The following PLOD1 variants were observed in gnomAD, a reference collection of about 807,000 sequenced individuals.
PLOD1 encodes the protein procollagen-lysine,2-oxoglutarate 5-dioxygenase 1.
PLOD1 carries 70 observed loss-of-function variants against 94.7 expected under a neutral mutation model. The observed-to-expected ratio is 0.74, with a 90% CI of 0.61 to 0.90. The LOEUF (loss-of-function observed/expected upper bound fraction) is 0.90, where lower values mean the gene tolerates loss of function less well. Among genes scored for constraint, PLOD1 ranks in the 40% least tolerant of loss-of-function variants. The pLI is 0.00. For synonymous variants in PLOD1, 417 were observed against 400.2 expected (o/e 1.04, Z -0.50); for missense variants, 905 against 972.7 (o/e 0.93, Z 0.93).
At chr1:11,937,677 C>T (rs111402598) in intron 1 of PLOD1, among the ~76,000 whole-genome samples, 2 of 152,260 alleles carry the variant, frequency 1.3e-5, no homozygotes, top group African/African-American at 2.4e-5. Flanking sequence ...CACCCTGATC[C>T]CCAGCAAGTG....
chr1:11,947,252 AAAAC>A (rs59526848), intron 1 of PLOD1, among the ~76,000 whole-genome samples: 58 of 150,514 alleles, frequency 3.9e-4, no homozygotes, highest in Admixed American at 7.3e-4. Context: ...AAAAAAAACA[AAAAC>A]AAACAAACAA....
intron 6 of PLOD1, 44 bp downstream of exon 6, chr1:11,954,937 T>C (rs753770094): frequency 1.4e-6 from 2 of 1,451,792 alleles, no homozygotes; most frequent in Admixed American, 3.3e-5. Flanking sequence ...AGAGGGGTGA[T>C]AGGAAGAATT....
chr1:11,957,934 G>A lies in PLOD1; in HGVS notation c.834G>A (p.Lys278=), dbSNP rs557353959. The change falls in exon 8 of 19, where the codon AAG becomes AAA. Residue 278 remains lysine, a synonymous_variant. Transcript: ENST00000196061. The surrounding 1 kb of genome is among the most constrained non-coding windows in gnomAD (Gnocchi z 4.1). ...GTGACGAAGGCTTGCGCAGCCTCAA[G>A]GGCATTGGGGTGAGGCTGCGCCCAG... ...TVCDEGLRSL[K]GIGDEALPTV... The A allele has an allele frequency of 6.2e-6, 10 of 1,609,978 alleles. No individual in the cohort carries two copies. The highest frequency in any genetic ancestry group is 3.3e-5 in the Admixed American group (2 of 60,012).
Position 11,972,264 on chromosome 1 carries a change from T to C in PLOD1, c.1903-608T>C, listed in dbSNP as rs1645871432. 6.6e-6 allele frequency: 1 copy of C among 152,062 alleles called. No individual in the cohort carries two copies. The highest frequency in any genetic ancestry group is 2.4e-5 in the African/African-American group (1 of 41,298). 9.4% of individuals were successfully genotyped at this position (152,062 alleles called of 1,614,324 possible). A position where few individuals can be genotyped will look rare whatever the true frequency, so the allele number is the denominator to read the frequency against. On this transcript the variant is annotated intron_variant, in intron 17 of 18. Coordinates refer to ENST00000196061, the MANE Select transcript of PLOD1 (RefSeq NM_000302.4). This position sits in a 1 kb window ranked among gnomAD's most constrained non-coding sequence, Gnocchi z 4.6. ...TCTCTCTTTCTCTTTCTCTGTCTCTTTTTCTTTCTTTTCTTTCGCACTTGT... is the reference window on the plus strand; with the variant it reads ...TCTCTCTTTCTCTTTCTCTGTCTCTCTTTCTTTCTTTTCTTTCGCACTTGT...
At chr1:11,965,807 C>T (rs1645813230) in intron 14 of PLOD1, among the ~76,000 whole-genome samples, 1 of 152,168 alleles carries the variant, frequency 6.6e-6, no homozygotes, top group Non-Finnish European at 1.5e-5. Flanking sequence ...GGGACCAGGA[C>T]TCAAGAGGCC....
intron 1 of PLOD1, 47 bp from the exon 2 acceptor site, chr1:11,947,929 C>T (rs890787649): frequency 1.6e-6 from 2 of 1,232,676 alleles, no homozygotes; most frequent in Non-Finnish European, 2.4e-6. Context: ...TCCCTGTCAC[C>T]TCCCTCATCC....
Position 11,963,603 on chromosome 1 carries a change from C to T in PLOD1, c.1169C>T (p.Pro390Leu). Residue 390 changes from proline to leucine, a missense_variant, in exon 11 of 19, where the codon CCC becomes CTC. Physicochemically the swap from Pro to Leu is moderately conservative, Grantham distance 98. Transcript: ENST00000196061. The surrounding 1 kb of genome is among the most constrained non-coding windows in gnomAD (Gnocchi z 4.3). ...GATGCTGACGTGGCCCTGACCGAGC[C>T]CAACAGCCTGCGGCTGCTGATCCAA... Reference protein sequence around the residue: ...SVDADVALTEPNSLRLLIQQN... With the variant: ...SVDADVALTELNSLRLLIQQN... 6.2e-7 allele frequency: 1 copy of T among 1,601,928 alleles called. No homozygotes were observed. The highest frequency in any genetic ancestry group is 8.5e-7 in the Non-Finnish European group (1 of 1,175,048).
rs750583085 is a variant in PLOD1, at chr1:11,972,910, T to A, written c.1941T>A (p.Pro647=). The change falls in exon 18 of 19, where the codon CCT becomes CCA. Residue 647 remains proline, a synonymous_variant. Transcript: ENST00000196061. This position sits in a 1 kb window ranked among gnomAD's most constrained non-coding sequence, Gnocchi z 4.6. ...TGGCCTTTGTCGTCCGCTACAAGCC[T>A]GATGAGCAGCCCTCACTGATGCCAC... The part of the protein sequence containing the change: ...FDLAFVVRYK[P]DEQPSLMPHH... 6.2e-7 allele frequency: 1 copy of A among 1,614,062 alleles called. No individual in the cohort carries two copies. Among genetic ancestry groups the A allele is most frequent in the South Asian group, 1.1e-5 (1 of 91,080 alleles).
chr1:11,936,193 CCAGA>C (rs1309490292), intron 1 of PLOD1, among the ~76,000 whole-genome samples: 1 of 151,898 alleles, frequency 6.6e-6, no homozygotes, highest in Non-Finnish European at 1.5e-5. Context: ...CCAGGGTGGT[CCAGA>C]CAGAGGTGGT....
chr1:11,957,985 C>A lies in PLOD1; in HGVS notation c.843+42C>A. ...GCCTGTGCCTGAGGGACACGGGGGG[C>A]TCAGTCCCCTGAGATGGCGAGATGG... On this transcript the variant is annotated intron_variant, in intron 8 of 18. Coordinates refer to ENST00000196061, the MANE Select transcript of PLOD1 (RefSeq NM_000302.4). The surrounding 1 kb of genome is among the most constrained non-coding windows in gnomAD (Gnocchi z 4.1). The A allele has an allele frequency of 1.6e-6, 2 of 1,272,316 alleles. No individual in the cohort carries two copies. The highest frequency in any genetic ancestry group is 2.3e-6 in the Non-Finnish European group (2 of 867,970). The allele number at this position is 1,272,316 out of a possible 1,614,324, so 78.8% of individuals were successfully genotyped here. A position where few individuals can be genotyped will look rare whatever the true frequency, so the allele number is the denominator to read the frequency against.
intron 16 of PLOD1, among the ~76,000 whole-genome samples, chr1:11,969,159 T>G (rs1557499391): frequency 1.3e-5 from 2 of 151,578 alleles, no homozygotes; most frequent in Non-Finnish European, 2.9e-5. Context: ...GGCTAATTTT[T>G]GTATTTTTAG....
At chr1:11,949,083 G>A (rs532701341) in intron 2 of PLOD1, among the ~76,000 whole-genome samples, 7 of 152,316 alleles carry the variant, frequency 4.6e-5, no homozygotes, top group South Asian at 4.1e-4. Context: ...TCTAGGCCCT[G>A]TTTGTTTTAA....
Position 11,972,951 on chromosome 1 carries a change from C to T in PLOD1, c.1982C>T (p.Thr661Ile), listed in dbSNP as rs1216050978. 7.4e-6 allele frequency: 12 copies of T among 1,614,140 alleles called. No individual in the cohort carries two copies. Among genetic ancestry groups the T allele is most frequent in the Non-Finnish European group, 9.3e-6 (11 of 1,180,010 alleles). ...CTGATGCCACACCATGATGCCTCCA[C>T]CTTCACCATCAACATCGCCCTGAAC... ...PSLMPHHDAS[T>I]FTINIALNRV... Residue 661 changes from threonine (T) to isoleucine (I), a missense_variant, in exon 18 of 19, where the codon ACC becomes ATC. By Grantham distance (89) the Thr-to-Ile change is moderately conservative. Transcript: ENST00000196061. The surrounding 1 kb of genome is among the most constrained non-coding windows in gnomAD (Gnocchi z 4.6).
chr1:11,938,565 G>A (rs776964473), intron 1 of PLOD1, among the ~76,000 whole-genome samples: 6 of 152,180 alleles, frequency 3.9e-5, no homozygotes, highest in Non-Finnish European at 8.8e-5. Context: ...CCACTGACTA[G>A]TGTGTGTGTT....
At chr1:11,961,747 C>G (rs897998162) in intron 10 of PLOD1, among the ~76,000 whole-genome samples, 6 of 152,146 alleles carry the variant, frequency 3.9e-5, no homozygotes, top group Non-Finnish European at 5.9e-5. Flanking sequence ...GAAGCTGGGA[C>G]TACAGGCATG....
chr1:11,948,549 G>A (rs1476199694), intron 2 of PLOD1, among the ~76,000 whole-genome samples: 6 of 152,026 alleles, frequency 3.9e-5, no homozygotes, highest in Non-Finnish European at 7.4e-5. Flanking sequence ...CCAACATGGC[G>A]AAACCCCATC....
At chr1:11,954,310 CAAA>C (rs754503001) in intron 5 of PLOD1, 12,311 of 157,024 alleles carry the variant, frequency 0.078, 24 homozygotes, top group African/African-American at 0.09. Flanking sequence ...CCATCTCTAG[CAAA>C]AAAAAAAAAA....
At chr1:11,950,732 AG>A (rs1645695194) in intron 4 of PLOD1, among the ~76,000 whole-genome samples, 1 of 152,094 alleles carries the variant, frequency 6.6e-6, no homozygotes, top group Admixed American at 6.5e-5. Context: ...GACAGAACCC[AG>A]GAGTCACTCC....
In PLOD1 at chr1:11,965,491, G is replaced by A; in HGVS notation, c.1482G>A (p.Met494Ile). 6.2e-7 allele frequency: 1 copy of A among 1,611,684 alleles called. No homozygotes were observed. The highest frequency in any genetic ancestry group is 1.3e-5 in the African/African-American group (1 of 74,972). Residue 494 changes from methionine (M) to isoleucine (I), a missense_variant, in exon 14 of 19, where the codon ATG becomes ATA. By Grantham distance (10) the Met-to-Ile change is conservative (BLOSUM62 1). Transcript: ENST00000196061. Reference protein sequence around the residue: ...CANIRQQDVFMFLTNRHTLGH... With the variant: ...CANIRQQDVFIFLTNRHTLGH... ...CCTGTCCTCCCCAGGATGTGTTCAT[G>A]TTCCTGACCAACCGGCACACCCTTG...
Sources: gnomAD v4.1 joint callset for allele counts (sites outside exome capture counted in the v4.1 genomes callset) on GRCh38, gnomAD v4.1.1 for gene constraint, Gnocchi (gnomAD v3.1) non-coding constraint, MANE v1.5 for transcripts, NCBI Gene and HGNC (gene_info 2026-07-23, HGNC 2026-07-21) for gene names.